TBC1D4: variants seen among roughly 807,000 people sequenced by gnomAD.
TBC1D4 encodes the protein TBC1 domain family member 4, also known as TBC (Tre-2, BUB2, CDC16) domain-containing protein.
In TBC1D4, 121 loss-of-function variants were observed where a neutral mutation model predicts 142.5. That is an observed-to-expected ratio of 0.85 (90% confidence interval 0.73 to 0.99). The LOEUF (loss-of-function observed/expected upper bound fraction) is 0.99, where lower values mean the gene tolerates loss of function less well. Among genes scored for constraint, TBC1D4 ranks in the 50% least tolerant of loss-of-function variants. The probability of loss-of-function intolerance (pLI) is 0.00; values close to 1 mark genes in which losing one functional copy is unlikely to be tolerated. For missense variants in TBC1D4, 1,475 were observed against 1,606.6 expected (o/e 0.92, Z 1.40); for synonymous variants, 630 against 628.2 (o/e 1.00, Z -0.04).
chr13:75,358,574 A>G (rs1438903452), intron 3 of TBC1D4, among the ~76,000 whole-genome samples: 2 of 152,178 alleles, frequency 1.3e-5, no homozygotes, highest in Admixed American at 1.3e-4. Context: ...ACTGGCCAGC[A>G]TGGTGGCTCA....
intron 1 of TBC1D4, among the ~76,000 whole-genome samples, chr13:75,427,015 C>G (rs894717806): frequency 1.3e-5 from 2 of 152,034 alleles, no homozygotes; most frequent in Non-Finnish European, 2.9e-5. Flanking sequence ...TGCCATCATA[C>G]TCCAGCCTGG....
intron 1 of TBC1D4, among the ~76,000 whole-genome samples, chr13:75,444,929 T>C (rs1006241859): frequency 6.6e-6 from 1 of 152,220 alleles, no homozygotes; most frequent in African/African-American, 2.4e-5. Flanking sequence ...CAGCCAGTTT[T>C]CTAGGCATTT....
intron 13 of TBC1D4, among the ~76,000 whole-genome samples, chr13:75,310,439 G>A (rs1395979562): frequency 6.6e-6 from 1 of 152,068 alleles, no homozygotes. Context: ...GGCCTCTCCT[G>A]AGTCCAACAC....
intron 8 of TBC1D4, among the ~76,000 whole-genome samples, chr13:75,335,241 C>T (rs146477265): frequency 3.2e-4 from 48 of 152,234 alleles, no homozygotes; most frequent in African/African-American, 1.1e-3. Flanking sequence ...CACCCTGCAT[C>T]GGGCCATCCC....
intron 5 of TBC1D4, among the ~76,000 whole-genome samples, chr13:75,345,111 A>G (rs577446727): frequency 2.5e-4 from 38 of 152,328 alleles, no homozygotes; most frequent in African/African-American, 8.4e-4. Context: ...TTGGAAGCCA[A>G]TTAGGCAAGT....
chr13:75,395,585 C>A (rs1055160407), intron 1 of TBC1D4, among the ~76,000 whole-genome samples: 1 of 152,110 alleles, frequency 6.6e-6, no homozygotes, highest in African/African-American at 2.4e-5. Flanking sequence ...AATCCCAGCA[C>A]GTTGGAAGGA....
intron 18 of TBC1D4, 77 bp from the exon 19 acceptor site, chr13:75,292,348 G>GT (rs1875400316): frequency 7.8e-7 from 1 of 1,281,694 alleles, no homozygotes; most frequent in African/African-American, 1.5e-5. Flanking sequence ...TGTGCTAAAG[G>GT]TTTTTGTTTA....
intron 3 of TBC1D4, among the ~76,000 whole-genome samples, chr13:75,358,183 CTCAT>C (rs1270561442): frequency 6.6e-6 from 1 of 152,080 alleles, no homozygotes; most frequent in African/African-American, 2.4e-5. Context: ...GTGTAAAGTG[CTCAT>C]TCATTCAACA....
At chr13:75,431,510 A>G (rs574423464) in intron 1 of TBC1D4, among the ~76,000 whole-genome samples, 1 of 152,208 alleles carries the variant, frequency 6.6e-6, no homozygotes, top group Admixed American at 6.5e-5. Context: ...AAACAACTTA[A>G]TTTCTACTTG....
intron 1 of TBC1D4, among the ~76,000 whole-genome samples, chr13:75,402,517 A>G (rs1253193238): frequency 1.3e-5 from 2 of 152,198 alleles, no homozygotes; most frequent in African/African-American, 4.8e-5. Flanking sequence ...AAAGGATAAG[A>G]AATTTTAAGT....
At chr13:75,367,438 AT>A (rs1384310997) in intron 1 of TBC1D4, among the ~76,000 whole-genome samples, 5 of 152,130 alleles carry the variant, frequency 3.3e-5, no homozygotes, top group Non-Finnish European at 7.4e-5. Context: ...TGTATCAATT[AT>A]TTTACAATTG....
At chr13:75,425,243 C>G (rs1886331673) in intron 1 of TBC1D4, among the ~76,000 whole-genome samples, 1 of 151,998 alleles carries the variant, frequency 6.6e-6, no homozygotes, top group Non-Finnish European at 1.5e-5. Context: ...AAAAAATGTT[C>G]AACATCACTA....
intron 1 of TBC1D4, among the ~76,000 whole-genome samples, chr13:75,469,264 CATG>C (rs1566512967): frequency 6.6e-6 from 1 of 152,126 alleles, no homozygotes; most frequent in Admixed American, 6.6e-5. Flanking sequence ...CACACGATCA[CATG>C]ATAAGGAATT....
intron 19 of TBC1D4, among the ~76,000 whole-genome samples, chr13:75,291,451 A>G (rs989464455): frequency 5.9e-5 from 9 of 152,172 alleles, no homozygotes; most frequent in African/African-American, 1.9e-4. Context: ...TCGCACCTGG[A>G]CAGCTGTGTT....
Position 75,450,056 on chromosome 13 carries a change from A to C in TBC1D4, c.498+31214T>G, listed in dbSNP as rs146762550. ...TGAAGAATAAACCTCACAGAAGCTGATAGGAATTTTAATGGATTTGAAAAT... is the reference window on the plus strand; with the variant it reads ...TGAAGAATAAACCTCACAGAAGCTGCTAGGAATTTTAATGGATTTGAAAAT... On this transcript the variant is annotated intron_variant, in intron 1 of 20. Coordinates refer to ENST00000377636, the MANE Select transcript of TBC1D4 (RefSeq NM_014832.5). Among the ~76,000 whole-genome samples the C allele has an allele frequency of 7.5e-3, 1,144 of 152,318 alleles. 18 individuals carry two copies. The highest frequency in any genetic ancestry group is 0.025 in the African/African-American group (1,048 of 41,576).
At chr13:75,333,910 T>C (rs1374124566) in intron 8 of TBC1D4, among the ~76,000 whole-genome samples, 1 of 152,200 alleles carries the variant, frequency 6.6e-6, no homozygotes, top group Non-Finnish European at 1.5e-5. Flanking sequence ...CATTTCCCCT[T>C]GATTAGATTC....
Position 75,286,859 on chromosome 13 carries a change from C to A in TBC1D4, c.3830G>T (p.Cys1277Phe). 1 of 1,613,948 alleles carries A rather than the reference C, an allele frequency of 6.2e-7. No individual in the cohort carries two copies. Among genetic ancestry groups the A allele is most frequent in the Non-Finnish European group, 8.5e-7 (1 of 1,179,966 alleles). ...KLLPADALVN[C>F]DLLLRDLNCN... ...GTTTAGGTCTCTCAGCAACAGGTCA[C>A]AATTGACTAGAGCATCCGCGGGCAG... Residue 1277 changes from cysteine to phenylalanine, a missense_variant, in exon 21 of 21, where the codon TGT becomes TTT. Physicochemically the swap from Cys to Phe is radical, Grantham distance 205 (BLOSUM62 -2). This residue lies in a region of TBC1D4 where 248 missense variants were observed against 338.9 expected (regional missense o/e 0.73). Coordinates refer to ENST00000377636, the MANE Select transcript of TBC1D4 (RefSeq NM_014832.5).
chr13:75,371,646 G>C (rs1883229588), intron 1 of TBC1D4, among the ~76,000 whole-genome samples: 1 of 152,168 alleles, frequency 6.6e-6, no homozygotes, highest in South Asian at 2.1e-4. Flanking sequence ...GGATCCTCAA[G>C]CTTCCTGTGT....
rs537259363 is a variant in TBC1D4, at chr13:75,386,460, C to T, written c.499-23853G>A. Among the ~76,000 whole-genome samples the T allele has an allele frequency of 1.8e-4, 26 of 148,394 alleles. No individual in the cohort carries two copies. The South Asian group carries it at 5.3e-3, about 30-fold the overall frequency. ...CTGGAGTGCAGTGGTGTGATCTCGGCTCACTGCAAGCTCCGCCTCTTGGGT... is the reference window on the plus strand; with the variant it reads ...CTGGAGTGCAGTGGTGTGATCTCGGTTCACTGCAAGCTCCGCCTCTTGGGT... On this transcript the variant is annotated intron_variant, in intron 1 of 20. Coordinates refer to ENST00000377636, the MANE Select transcript of TBC1D4 (RefSeq NM_014832.5).
Sources: gnomAD v4.1 joint callset for allele counts (sites outside exome capture counted in the v4.1 genomes callset) on GRCh38, gnomAD v4.1.1 for gene constraint, gnomAD v4.1.1 regional missense constraint, MANE v1.5 for transcripts, NCBI Gene and HGNC (gene_info 2026-07-23, HGNC 2026-07-21) for gene names.